The following ERCC6L2 variants were observed in gnomAD, a reference collection of about 807,000 sequenced individuals.
ERCC6L2 encodes the protein DNA excision repair protein ERCC-6-like 2.
A neutral mutation model predicts 132.0 loss-of-function variants in ERCC6L2; 77 were observed. The ratio of observed to expected loss-of-function variants is 0.58; its 90% confidence interval spans 0.49 to 0.71. The LOEUF (loss-of-function observed/expected upper bound fraction) is 0.71, where lower values mean the gene tolerates loss of function less well. Ranked by LOEUF, ERCC6L2 falls within the 30% of genes least tolerant of loss-of-function variation. The pLI, the probability that ERCC6L2 is intolerant of heterozygous loss-of-function variation, is 0.00. For synonymous variants in ERCC6L2, 583 were observed against 632.4 expected, an observed-to-expected ratio of 0.92 and a Z score of 1.17; for missense variants, 1,542 against 1,837.6, an observed-to-expected ratio of 0.84 and a Z score of 2.94.
At chr9:95,981,898 G>C (rs1007655800) in intron 17 of ERCC6L2, among the ~76,000 whole-genome samples, 1 of 152,144 alleles carries the variant, frequency 6.6e-6, no homozygotes, top group Non-Finnish European at 1.5e-5. Flanking sequence ...ACTGAAGGGG[G>C]AGGATGTATT....
At chr9:95,951,019 A>G (rs1225652960) in intron 12 of ERCC6L2, among the ~76,000 whole-genome samples, 1 of 152,232 alleles carries the variant, frequency 6.6e-6, no homozygotes, top group African/African-American at 2.4e-5. Context: ...ACAGCAGAAT[A>G]CATACTTTTC....
chr9:96,004,418 C>T (rs1833792640), intron 17 of ERCC6L2, 102 bp from the exon 18 acceptor site: 1 of 564,462 alleles, frequency 1.8e-6, no homozygotes, highest in Admixed American at 3.6e-5. Context: ...ATATGATTTA[C>T]TTCATTATAA....
chr9:96,006,102 T>C (rs1833854535), intron 18 of ERCC6L2, among the ~76,000 whole-genome samples: 1 of 152,172 alleles, frequency 6.6e-6, no homozygotes, highest in African/African-American at 2.4e-5. Context: ...TATGAGCTAC[T>C]CCTGGTTTGG....
intron 19 of ERCC6L2, among the ~76,000 whole-genome samples, chr9:96,037,747 G>C (rs78370917): frequency 1.2e-4 from 18 of 152,278 alleles, no homozygotes; most frequent in Middle Eastern, 3.4e-3. Flanking sequence ...AGTTTGGTGA[G>C]ATCCCACAGA....
chr9:95,878,775 C>G (rs540044139), intron 1 of ERCC6L2, among the ~76,000 whole-genome samples: 2 of 149,742 alleles, frequency 1.3e-5, no homozygotes, highest in South Asian at 2.1e-4. Context: ...TTTGTTCTTG[C>G]GATAGTTTAC....
intron 17 of ERCC6L2, among the ~76,000 whole-genome samples, chr9:95,987,970 T>G (rs779491617): frequency 3.9e-5 from 6 of 152,228 alleles, no homozygotes; most frequent in African/African-American, 1.4e-4. Flanking sequence ...CTGCCAAGGC[T>G]TGGGGCTTGC....
chr9:95,929,926 A>G (rs1484295769), intron 11 of ERCC6L2, among the ~76,000 whole-genome samples: 1 of 152,110 alleles, frequency 6.6e-6, no homozygotes, highest in Non-Finnish European at 1.5e-5. Flanking sequence ...CTTCCAGCTC[A>G]TTTGCTGAGA....
At chr9:96,025,437 T>C (rs1834347676) in intron 19 of ERCC6L2, among the ~76,000 whole-genome samples, 1 of 152,298 alleles carries the variant, frequency 6.6e-6, no homozygotes, top group South Asian at 2.1e-4. Context: ...GCGGTGGGGC[T>C]CAGGTTCAGT....
chr9:95,945,454 A>G (rs1831014996), intron 12 of ERCC6L2, among the ~76,000 whole-genome samples: 1 of 152,224 alleles, frequency 6.6e-6, no homozygotes, highest in Non-Finnish European at 1.5e-5. Context: ...GTCCTGAGGC[A>G]ACACTCATCC....
Position 95,972,350 on chromosome 9 carries a change from G to A in ERCC6L2, c.2599G>A (p.Glu867Lys), listed in dbSNP as rs1832454083. The A allele has an allele frequency of 7.8e-7, 1 of 1,286,428 alleles. No individual in the cohort carries two copies. The highest frequency in any genetic ancestry group is 1.5e-5 in the African/African-American group (1 of 64,954). The allele number at this position is 1,286,428 out of a possible 1,614,324, so 79.7% of individuals were successfully genotyped here. A position where few individuals can be genotyped will look rare whatever the true frequency, so the allele number is the denominator to read the frequency against. ...AGAAAAGCATATTTTTTATAAAAGT[G>A]AGAAGATTTTAGAACAGAATATTTC... Reference protein sequence around the residue: ...PKEKHIFYKSEKILEQNISSK... With the variant: ...PKEKHIFYKSKKILEQNISSK... The change falls in exon 16 of 19, where the codon GAG becomes AAG. Residue 867 changes from glutamate to lysine, a missense_variant. Physicochemically the swap from Glu to Lys is moderately conservative, Grantham distance 56. Transcript: ENST00000653738.
intron 9 of ERCC6L2, among the ~76,000 whole-genome samples, chr9:95,926,937 T>C (rs1830127035): frequency 1.3e-5 from 2 of 150,806 alleles, no homozygotes; most frequent in South Asian, 2.1e-4. Context: ...AAGAGGAGTT[T>C]TGTGCATTTT....
chr9:95,965,570 G>A (rs921879255), intron 13 of ERCC6L2, among the ~76,000 whole-genome samples: 23 of 152,030 alleles, frequency 1.5e-4, no homozygotes, highest in Admixed American at 1.2e-3. Context: ...GTGCAGTGGC[G>A]CCACCTCGGG....
At chr9:96,003,301 T>C (rs1472420888) in intron 17 of ERCC6L2, among the ~76,000 whole-genome samples, 1 of 152,222 alleles carries the variant, frequency 6.6e-6, no homozygotes, top group Non-Finnish European at 1.5e-5. Flanking sequence ...TCCTATGGTA[T>C]GTTTTTTATT....
intron 18 of ERCC6L2, among the ~76,000 whole-genome samples, chr9:96,009,878 C>T (rs1043137408): frequency 2.0e-5 from 3 of 152,306 alleles, no homozygotes; most frequent in East Asian, 1.9e-4. Flanking sequence ...CACAGGGTCA[C>T]GGGTGAGGTC....
At chr9:95,909,116 A>C (rs768645348) in intron 4 of ERCC6L2, among the ~76,000 whole-genome samples, 1 of 152,162 alleles carries the variant, frequency 6.6e-6, no homozygotes, top group South Asian at 2.1e-4. Context: ...ATGAGAGTTA[A>C]TTTGTGTAGA....
intron 9 of ERCC6L2, among the ~76,000 whole-genome samples, chr9:95,924,229 A>G (rs1227425687): frequency 2.0e-5 from 3 of 152,254 alleles, no homozygotes; most frequent in African/African-American, 4.8e-5. Context: ...ACTTTTAGCA[A>G]TTGATCTAGA....
In ERCC6L2 at chr9:96,029,132, G is replaced by A. The variant is rs370424899; in HGVS notation, c.*1504-9744G>A. On this transcript the variant is annotated intron_variant and NMD_transcript_variant, in intron 19 of 20. Transcript: ENST00000670016. Reference sequence around the variant, plus strand: ...ATCCTGGCTAACATGGTGAAACCCCGTCTCTACTAAAAATACAAAAAATTA... The same window carrying A: ...ATCCTGGCTAACATGGTGAAACCCCATCTCTACTAAAAATACAAAAAATTA... Among the ~76,000 whole-genome samples, 14 of 151,798 alleles carry A rather than the reference G, an allele frequency of 9.2e-5. No homozygotes were observed. In the South Asian group the frequency reaches 1.9e-3, roughly 20 times the overall value.
At chr9:95,877,910 A>T (rs1171498312) in intron 1 of ERCC6L2, among the ~76,000 whole-genome samples, 1 of 152,226 alleles carries the variant, frequency 6.6e-6, no homozygotes, top group Non-Finnish European at 1.5e-5. Flanking sequence ...TAACAGTACA[A>T]ACTTTTCTTG....
chr9:95,960,689 A>T (rs962161487), intron 13 of ERCC6L2, among the ~76,000 whole-genome samples: 1 of 152,092 alleles, frequency 6.6e-6, no homozygotes, highest in Admixed American at 6.6e-5. Flanking sequence ...CAGTTTAGTG[A>T]TACTGATTTC....
Sources: allele counts gnomAD v4.1 joint callset (sites outside exome capture counted in the v4.1 genomes callset), GRCh38; gene constraint gnomAD v4.1.1; transcripts MANE v1.5; gene names NCBI Gene and HGNC (gene_info 2026-07-23, HGNC 2026-07-21).